TEKT5: variants seen among roughly 807,000 people sequenced by gnomAD.
The protein encoded by TEKT5 is tektin-5.
A neutral mutation model predicts 48.7 loss-of-function variants in TEKT5; 52 were observed. The observed-to-expected ratio is 1.07, with a 90% confidence interval of 0.86 to 1.35. The LOEUF (loss-of-function observed/expected upper bound fraction) is 1.35, where lower values mean the gene tolerates loss of function less well. Ranked by LOEUF, TEKT5 falls within the 40% of genes most tolerant of loss-of-function variation. The probability of loss-of-function intolerance (pLI) is 0.00; values close to 1 mark genes in which losing one functional copy is unlikely to be tolerated. For missense variants in TEKT5, 831 were observed against 641.6 expected (o/e 1.30, Z -3.19); for synonymous variants, 318 against 267.6 (o/e 1.19, Z -1.84).
intron 6 of TEKT5, among the ~76,000 whole-genome samples, chr16:10,628,519 A>T (rs1016157549): frequency 2.0e-5 from 3 of 152,232 alleles, no homozygotes. Flanking sequence ...CAAAAGGTGG[A>T]AGCAGCTCAA....
At chr16:10,641,833 A>G (rs1250120254) in intron 5 of TEKT5, among the ~76,000 whole-genome samples, 1 of 152,204 alleles carries the variant, frequency 6.6e-6, no homozygotes, top group African/African-American at 2.4e-5. Context: ...TAAATAAATA[A>G]TCACATGAAA....
chr16:10,635,503 C>T (rs1026756504), intron 6 of TEKT5, among the ~76,000 whole-genome samples: 1 of 152,142 alleles, frequency 6.6e-6, no homozygotes. Flanking sequence ...TACAAAACCA[C>T]CCCTAGTTTA....
rs180876037 is a variant in TEKT5, at chr16:10,650,919, G to A, written c.1087-15001C>T. Among the ~76,000 whole-genome samples, 1,109 of 152,096 alleles carry A rather than the reference G, an allele frequency of 7.3e-3. 19 individuals carry two copies. Among genetic ancestry groups the A allele is most frequent in the African/African-American group, 0.022 (920 of 41,490 alleles). On this transcript the variant is annotated intron_variant, in intron 5 of 6. Transcript: ENST00000283025. ...AAAAAGCCACACCCACTGTATCTGG[G>A]GGGCAGCCCCTGCTTGTGCACTAGA... is the stretch of plus-strand genomic sequence containing the variant.
At chr16:10,646,594 AT>A (rs574204697) in intron 5 of TEKT5, among the ~76,000 whole-genome samples, 30 of 151,346 alleles carry the variant, frequency 2.0e-4, no homozygotes, top group South Asian at 1.7e-3. Flanking sequence ...TTAAAACAGA[AT>A]TTTTTTTTTC....
At chr16:10,648,399 C>A (rs1898102602) in intron 5 of TEKT5, among the ~76,000 whole-genome samples, 1 of 152,040 alleles carries the variant, frequency 6.6e-6, no homozygotes, top group Admixed American at 6.6e-5. Context: ...CTCACTGCAA[C>A]CTCCGCCTCC....
intron 5 of TEKT5, among the ~76,000 whole-genome samples, chr16:10,655,126 AC>A (rs1898239298): frequency 6.6e-6 from 1 of 152,146 alleles, no homozygotes; most frequent in South Asian, 2.1e-4. Context: ...TCCTAAAAAA[AC>A]AATTGAGGAC....
intron 4 of TEKT5, among the ~76,000 whole-genome samples, 165 bp from the exon 5 acceptor site, chr16:10,676,346 G>A (rs1394496314): frequency 6.6e-6 from 1 of 152,172 alleles, no homozygotes; most frequent in African/African-American, 2.4e-5. Context: ...CCCACTAGAT[G>A]CCAGTAGCTC....
At chr16:10,684,324 G>A (rs143644328) in intron 3 of TEKT5, among the ~76,000 whole-genome samples, 1 of 150,428 alleles carries the variant, frequency 6.6e-6, no homozygotes, top group East Asian at 2.0e-4. Flanking sequence ...TCTAACCTTT[G>A]TCTCTTTCTT....
chr16:10,688,265 T>A (rs1451375319), intron 3 of TEKT5, among the ~76,000 whole-genome samples: 1 of 152,228 alleles, frequency 6.6e-6, no homozygotes, highest in Non-Finnish European at 1.5e-5. Context: ...CTCCAATGTG[T>A]CTGTCCGTGA....
intron 5 of TEKT5, among the ~76,000 whole-genome samples, chr16:10,661,332 A>G (rs2719656): frequency 0.75 from 114,133 of 152,072 alleles, 43,016 homozygotes; most frequent in East Asian, 0.95. Flanking sequence ...TTTCTGCAGC[A>G]CCTCGCTACT....
At chr16:10,652,913 GAC>G (rs372305153) in intron 5 of TEKT5, among the ~76,000 whole-genome samples, 1 of 135,296 alleles carries the variant, frequency 7.4e-6, no homozygotes, top group Non-Finnish European at 1.6e-5. Flanking sequence ...CACAGGCAGA[GAC>G]ACACACACAC....
chr16:10,642,007 C>T (rs932751991), intron 5 of TEKT5, among the ~76,000 whole-genome samples: 10 of 152,252 alleles, frequency 6.6e-5, no homozygotes, highest in Non-Finnish European at 1.3e-4. Flanking sequence ...CTGTTAAAAG[C>T]TAAGGGGCTG....
intron 6 of TEKT5, among the ~76,000 whole-genome samples, chr16:10,628,099 G>T (rs1383699513): frequency 6.6e-6 from 1 of 152,086 alleles, no homozygotes; most frequent in African/African-American, 2.4e-5. Context: ...ACTTGCCTTG[G>T]CCTCCCAAAG....
At chr16:10,669,057 A>C (rs2719692) in intron 5 of TEKT5, among the ~76,000 whole-genome samples, 51,911 of 152,056 alleles carry the variant, frequency 0.34, 10,041 homozygotes, top group East Asian at 0.54. Context: ...ATGTGAAATC[A>C]CCATTTTTTA....
At chr16:10,673,003 C>T (rs138048761) in intron 5 of TEKT5, among the ~76,000 whole-genome samples, 1,633 of 152,144 alleles carry the variant, frequency 0.011, 16 homozygotes, top group Non-Finnish European at 0.017. Context: ...TTCCTATCCT[C>T]ATTCTACAAA....
chr16:10,634,084 C>T (rs1014430767), intron 6 of TEKT5, among the ~76,000 whole-genome samples: 3 of 152,168 alleles, frequency 2.0e-5, no homozygotes, highest in African/African-American at 7.2e-5. Flanking sequence ...CATCGCTGGA[C>T]CAAGACCTGT....
At chr16:10,661,724 C>T (rs995345960) in intron 5 of TEKT5, among the ~76,000 whole-genome samples, 1 of 152,188 alleles carries the variant, frequency 6.6e-6, no homozygotes, top group African/African-American at 2.4e-5. Flanking sequence ...AGTGTGCCCA[C>T]CTCACTACAA....
intron 4 of TEKT5, among the ~76,000 whole-genome samples, chr16:10,676,469 C>A (rs909674143): frequency 3.3e-5 from 5 of 152,122 alleles, no homozygotes; most frequent in East Asian, 1.9e-4. Context: ...TGATCCAATA[C>A]CCTCATTTTA....
intron 3 of TEKT5, among the ~76,000 whole-genome samples, chr16:10,687,183 T>C (rs76284676): frequency 0.026 from 3,889 of 152,288 alleles, 157 homozygotes; most frequent in African/African-American, 0.089. Context: ...AACAATGTAC[T>C]GTGTTCTTGA....
Sources: gnomAD v4.1 joint callset for allele counts (sites outside exome capture counted in the v4.1 genomes callset) on GRCh38, gnomAD v4.1.1 for gene constraint, MANE v1.5 for transcripts, NCBI Gene and HGNC (gene_info 2026-07-23, HGNC 2026-07-21) for gene names.